DNAH2: variants seen among roughly 807,000 people sequenced by gnomAD.
The protein encoded by DNAH2 is axonemal beta dynein heavy chain 2.
Under a neutral mutation model 523.5 loss-of-function variants are expected in DNAH2, and 323 were observed. That is an observed-to-expected ratio of 0.62 (90% CI 0.56 to 0.68). DNAH2 has a LOEUF of 0.68. Among genes scored for constraint, DNAH2 ranks in the 30% least tolerant of loss-of-function variants. DNAH2 has a pLI of 0.00. For missense variants in DNAH2, 4,907 were observed against 5,701.5 expected (o/e 0.86, Z 4.49); for synonymous variants, 2,093 against 2,177.4 (o/e 0.96, Z 1.08).
At position 7,723,677 on chromosome 17, in the gene DNAH2, C is replaced by A; in HGVS notation, c.216C>A (p.Pro72=). The A allele has an allele frequency of 6.2e-7, 1 of 1,613,876 alleles. No individual in the cohort carries two copies. The highest frequency in any genetic ancestry group is 8.5e-7 in the Non-Finnish European group (1 of 1,179,922). ...PQAQSEESVE[P]EADVKPLFLS... ...CACAGAGTGAAGAATCAGTGGAGCCCGAGGCAGATGTGGTAGGCTTGGGTC... is the reference window on the plus strand; with the variant it reads ...CACAGAGTGAAGAATCAGTGGAGCCAGAGGCAGATGTGGTAGGCTTGGGTC... Residue 72 remains proline, a synonymous_variant, in exon 3 of 86, where the codon CCC becomes CCA. Coordinates refer to ENST00000572933, the MANE Select transcript of DNAH2 (RefSeq NM_020877.5).
intron 28 of DNAH2, among the ~76,000 whole-genome samples, chr17:7,772,893 C>T (rs1020047168): frequency 6.6e-6 from 1 of 152,196 alleles, no homozygotes; most frequent in Non-Finnish European, 1.5e-5. Context: ...CTGCCTCAGC[C>T]TCCCAAGTAG....
chr17:7,747,126 G>A (rs142152803), intron 12 of DNAH2, among the ~76,000 whole-genome samples: 304 of 151,846 alleles, frequency 2.0e-3, no homozygotes, highest in Non-Finnish European at 2.3e-3. Context: ...ATCACATCAT[G>A]AATGGCATTT....
intron 36 of DNAH2, among the ~76,000 whole-genome samples, chr17:7,779,838 G>C (rs1199336041): frequency 6.6e-6 from 1 of 152,176 alleles, no homozygotes; most frequent in Non-Finnish European, 1.5e-5. Flanking sequence ...TGAACAAAGA[G>C]GAACAGCTGT....
rs113712826 is a variant in DNAH2 at position 7,787,182 on chromosome 17, G to A, written c.6603+149G>A. The A allele has an allele frequency of 4.1e-4, 412 of 1,001,416 alleles. 3 individuals carry two copies. The African/African-American group carries it at 5.6e-3, about 14-fold the overall frequency. The allele number at this position is 1,001,416 out of a possible 1,614,324, so 62.0% of individuals were successfully genotyped here. On this transcript the variant is annotated intron_variant, in intron 42 of 85. Transcript: ENST00000572933. ...TGGATGCCTGGATTCAGGGAAACCT[G>A]CAGCTGAAGAAAAATGCTTTGCTTG... is the stretch of plus-strand genomic sequence containing the variant.
chr17:7,778,169 C>T lies in DNAH2; in HGVS notation c.5340C>T (p.Pro1780=), dbSNP rs747170877. The part of the protein sequence containing the change: ...LGNSGRLVIT[P]LTDRCYMTLT... ...ACTCGGGCCGGCTCGTCATCACCCC[C>T]CTGACGGACAGGTCTGCCATGTGGG... The change falls in exon 34 of 86, where the codon CCC becomes CCT. Residue 1780 remains proline (P), a synonymous_variant. Coordinates refer to ENST00000572933, the MANE Select transcript of DNAH2 (RefSeq NM_020877.5). 2 of 1,614,236 alleles carry T rather than the reference C, an allele frequency of 1.2e-6. No individual in the cohort carries two copies. The highest frequency in any genetic ancestry group is 2.2e-5 in the East Asian group (1 of 44,890).
chr17:7,777,348 A>G, intron 32 of DNAH2, 98 bp from the exon 33 acceptor site: 2 of 1,350,508 alleles, frequency 1.5e-6, no homozygotes, highest in Non-Finnish European at 2.1e-6. Context: ...AGGTGGGGTC[A>G]GCACCGGGTT....
Position 7,760,793 on chromosome 17 carries a change from A to G in DNAH2, c.2839A>G (p.Asn947Asp). ...GACCCAAATCAGCAGCGGCATGACT[A>G]ACAACGCAAGCCTGCTGCAGAACTA... ...IQTQISSGMT[N>D]NASLLQNYLK... is the part of the protein sequence containing the mutation. The change falls in exon 18 of 86, where the codon AAC becomes GAC. Residue 947 changes from asparagine to aspartate, a missense_variant. Asn to Asp is a conservative substitution (Grantham distance 23, BLOSUM62 1). Around this residue, in one of 3 missense-constraint regions of DNAH2, gnomAD observed 2,806 missense variants for 3,190.8 expected, o/e 0.88. Coordinates refer to ENST00000572933, the MANE Select transcript of DNAH2 (RefSeq NM_020877.5). This position sits in a 1 kb window ranked among gnomAD's most constrained non-coding sequence, Gnocchi z 4.0. 1 of 1,614,206 alleles carries G rather than the reference A, an allele frequency of 6.2e-7. No individual in the cohort carries two copies. Among genetic ancestry groups the G allele is most frequent in the East Asian group, 2.2e-5 (1 of 44,886 alleles).
At chr17:7,722,447 C>T (rs960149618) in intron 2 of DNAH2, among the ~76,000 whole-genome samples, 18 of 152,206 alleles carry the variant, frequency 1.2e-4, no homozygotes, top group African/African-American at 4.1e-4. Context: ...CATTTTTATC[C>T]CGCCAAAAGA....
intron 39 of DNAH2, among the ~76,000 whole-genome samples, chr17:7,783,368 C>G (rs574233271): frequency 6.6e-6 from 1 of 152,116 alleles, no homozygotes; most frequent in Non-Finnish European, 1.5e-5. Context: ...TGAGCCACTG[C>G]GCCGGGCCAG....
At chr17:7,737,296 A>AGGGGT in intron 8 of DNAH2, 38 bp downstream of exon 8, 1 of 1,595,556 alleles carries the variant, frequency 6.3e-7, no homozygotes, top group Non-Finnish European at 8.6e-7. Flanking sequence ...GGGGTTTATG[A>AGGGGT]GGGTGGCCGG....
intron 8 of DNAH2, among the ~76,000 whole-genome samples, chr17:7,738,738 C>G (rs1396771088): frequency 6.6e-6 from 1 of 151,980 alleles, no homozygotes. Flanking sequence ...GAATCTGCTC[C>G]TAGAACTTAG....
rs1232121723 is a variant in DNAH2 at position 7,787,895 on chromosome 17, G to A, written c.6639G>A (p.Met2213Ile). ...SLLFEVEDLA[M>I]ASPATVSRCG... ...TGTTTGAAGTGGAGGACCTGGCAATGGCCTCTCCGGCCACTGTATCCCGCT... is the reference window on the plus strand; with the variant it reads ...TGTTTGAAGTGGAGGACCTGGCAATAGCCTCTCCGGCCACTGTATCCCGCT... The change falls in exon 43 of 86, where the codon ATG (methionine) becomes ATA (isoleucine). Residue 2213 changes from methionine to isoleucine, a missense_variant. This residue lies in a region of DNAH2 where 2,806 missense variants were observed against 3,190.8 expected (regional missense o/e 0.88). Coordinates refer to ENST00000572933, the MANE Select transcript of DNAH2 (RefSeq NM_020877.5). 2 of 1,614,108 alleles carry A rather than the reference G, an allele frequency of 1.2e-6. No individual in the cohort carries two copies. The highest frequency in any genetic ancestry group is 1.7e-6 in the Non-Finnish European group (2 of 1,179,984).
rs2078072095 is a variant in DNAH2, at chr17:7,828,135, T to C, written c.11854-2165T>C. 6.6e-6 allele frequency among the ~76,000 whole-genome samples: 1 copy of C among 152,076 alleles called. No homozygotes were observed. Among genetic ancestry groups the C allele is most frequent in the Non-Finnish European group, 1.5e-5 (1 of 68,030 alleles). The stretch of plus-strand genomic sequence containing the variant: ...GATTTCACCATGTTGGCCAGGCTGG[T>C]CTTGGACTCCTGGACTTAAGCTGTC... On this transcript the variant is annotated intron_variant, in intron 77 of 85. Transcript: ENST00000572933. The surrounding 1 kb of genome is among the most constrained non-coding windows in gnomAD (Gnocchi z 4.1).
At chr17:7,793,522 T>TC (rs1567709805) in intron 48 of DNAH2, among the ~76,000 whole-genome samples, 9 of 128,054 alleles carry the variant, frequency 7.0e-5, no homozygotes, top group African/African-American at 2.1e-4. Context: ...TTTCTTCTCT[T>TC]TCTCTTTCTT....
chr17:7,803,805 T>C (rs190000711), intron 58 of DNAH2, among the ~76,000 whole-genome samples: 262 of 115,440 alleles, frequency 2.3e-3, no homozygotes, highest in African/African-American at 7.2e-3. Context: ...CAAGACGCCA[T>C]CTCTACAAAA....
Position 7,776,030 on chromosome 17 carries a change from C to T in DNAH2, c.4828C>T (p.Leu1610Phe). 6.2e-7 allele frequency: 1 copy of T among 1,613,902 alleles called. No individual in the cohort carries two copies. The change falls in exon 31 of 86, where the codon CTT becomes TTT. Residue 1610 changes from leucine (L) to phenylalanine (F), a missense_variant. Transcript: ENST00000572933. Reference protein sequence around the residue: ...VFLEGPVESWLGDVEQTMRVT... With the variant: ...VFLEGPVESWFGDVEQTMRVT... ...TTCTCCCACCTCCCCCCAGTCCTGG[C>T]TTGGCGATGTGGAACAGACCATGAG... is the stretch of plus-strand genomic sequence containing the variant.
intron 44 of DNAH2, among the ~76,000 whole-genome samples, chr17:7,790,637 A>G (rs1433261974): frequency 6.6e-6 from 1 of 151,990 alleles, no homozygotes; most frequent in East Asian, 1.9e-4. Context: ...CTCTCCTCCC[A>G]GTCCTGATCT....
intron 8 of DNAH2, chr17:7,739,080 C>G (rs2075227235): frequency 1.4e-6 from 1 of 690,474 alleles, no homozygotes. Flanking sequence ...CCTCCCACCC[C>G]AGGAACCAGG....
intron 44 of DNAH2, among the ~76,000 whole-genome samples, chr17:7,789,760 T>A (rs2076845564): frequency 6.6e-6 from 1 of 151,986 alleles, no homozygotes; most frequent in South Asian, 2.1e-4. Context: ...GTACTTTTAG[T>A]AGAGATGGGG....
Sources: gnomAD v4.1 joint callset for allele counts (sites outside exome capture counted in the v4.1 genomes callset) on GRCh38, gnomAD v4.1.1 for gene constraint, gnomAD v4.1.1 regional missense constraint, Gnocchi (gnomAD v3.1) non-coding constraint, MANE v1.5 for transcripts, NCBI Gene and HGNC (gene_info 2026-07-23, HGNC 2026-07-21) for gene names.